The following FRMPD3 variants were observed in gnomAD, a reference collection of about 807,000 sequenced individuals.
The protein encoded by FRMPD3 is FERM and PDZ domain-containing protein 3.
Under a neutral mutation model 97.9 loss-of-function variants are expected in FRMPD3, and 42 were observed. The observed-to-expected ratio is 0.43, with a 90% CI of 0.34 to 0.55. The LOEUF is 0.55. FRMPD3 is among the 20% of genes least tolerant of loss of function. The pLI is 0.03. For missense variants in FRMPD3, 1,303 were observed against 1,457.7 expected, an observed-to-expected ratio of 0.89 and a Z score of 1.73; for synonymous variants, 577 against 581.1, an observed-to-expected ratio of 0.99 and a Z score of 0.10.
chrX:107,602,608 G>T lies in FRMPD3; in HGVS notation c.4569G>T (p.Lys1523Asn), dbSNP rs1257823597. The change falls in exon 15 of 15, where the codon AAG becomes AAT. Residue 1523 changes from lysine to asparagine, a missense_variant. By Grantham distance (94) the Lys-to-Asn change is moderately conservative (BLOSUM62 0). Coordinates refer to ENST00000683843, the MANE Select transcript of FRMPD3 (RefSeq NM_001388459.1). ...KDELSYSIPM[K>N]ILPGMKLDEQ... ...AGCTCTCCTACTCTATCCCCATGAA[G>T]ATCCTGCCTGGCATGAAGCTGGACG... 8 of 1,210,608 alleles carry T rather than the reference G, an allele frequency of 6.6e-6. No individual in the cohort carries two copies. Among genetic ancestry groups the T allele is most frequent in the Non-Finnish European group, 8.9e-6 (8 of 895,397 alleles).
intron 3 of FRMPD3, among the ~76,000 whole-genome samples, chrX:107,531,111 T>TAC (rs35430860): frequency 0.048 from 4,453 of 93,497 alleles, 204 homozygotes; most frequent in African/African-American, 0.12. Flanking sequence ...CTGTGCACAT[T>TAC]ACACACACAC....
At chrX:107,537,987 A>G (rs1381282281) in intron 4 of FRMPD3, among the ~76,000 whole-genome samples, 1 of 111,277 alleles carries the variant, frequency 9.0e-6, no homozygotes, top group Non-Finnish European at 1.9e-5. Context: ...TACAGAGGTA[A>G]TCAGAGGATG....
chrX:107,492,626 G>T (rs1327811026), intron 1 of FRMPD3, among the ~76,000 whole-genome samples: 1 of 112,042 alleles, frequency 8.9e-6, no homozygotes, highest in East Asian at 2.8e-4. Context: ...GGCATCACCT[G>T]GGACCTTGCT....
chrX:107,461,915 C>A (rs73521078), intron 1 of FRMPD3, among the ~76,000 whole-genome samples: 7,728 of 108,046 alleles, frequency 0.072, 732 homozygotes, highest in African/African-American at 0.25. Flanking sequence ...TCCACTGTAC[C>A]CCACTTGGTG....
chrX:107,553,020 T>C, intron 7 of FRMPD3, 94 bp downstream of exon 7: 1 of 944,218 alleles, frequency 1.1e-6, no homozygotes, highest in Non-Finnish European at 1.4e-6. Flanking sequence ...AATGATATGC[T>C]CAGCCGGTTC....
chrX:107,586,833 T>C (rs914981123), intron 13 of FRMPD3, among the ~76,000 whole-genome samples: 3 of 112,424 alleles, frequency 2.7e-5, no homozygotes, highest in Non-Finnish European at 5.6e-5. Flanking sequence ...ATGATTTCAG[T>C]TCTTTTGCAT....
At chrX:107,573,219 T>C (rs1162024182) in intron 12 of FRMPD3, among the ~76,000 whole-genome samples, 1 of 110,036 alleles carries the variant, frequency 9.1e-6, no homozygotes, top group Non-Finnish European at 1.9e-5. Context: ...CCTTGAGGAG[T>C]TTTGATCTGG....
chrX:107,453,435 G>A (rs1931324574), intron 1 of FRMPD3, among the ~76,000 whole-genome samples: 1 of 109,804 alleles, frequency 9.1e-6, no homozygotes, highest in South Asian at 4.0e-4. Flanking sequence ...CCCCTGGGAG[G>A]AAGCACACTC....
chrX:107,576,285 T>C (rs1422782603), intron 12 of FRMPD3, 30 bp from the exon 13 acceptor site: 1 of 1,200,060 alleles, frequency 8.3e-7, no homozygotes, highest in African/African-American at 1.8e-5. Flanking sequence ...CCTTCCCATG[T>C]CTTCATGTTT....
intron 5 of FRMPD3, among the ~76,000 whole-genome samples, chrX:107,548,892 C>A (rs1048574937): frequency 9.0e-6 from 1 of 111,383 alleles, no homozygotes; most frequent in Non-Finnish European, 1.9e-5. Flanking sequence ...TTGTGAGAAG[C>A]GTGCATAAAT....
At chrX:107,562,357 G>C (rs924939264) in intron 10 of FRMPD3, among the ~76,000 whole-genome samples, 13 of 112,443 alleles carry the variant, frequency 1.2e-4, no homozygotes, top group African/African-American at 4.2e-4. Flanking sequence ...GCAGCTGGGA[G>C]CCATTGAAGG....
At chrX:107,546,466 G>T (rs1921607446) in intron 5 of FRMPD3, among the ~76,000 whole-genome samples, 1 of 111,974 alleles carries the variant, frequency 8.9e-6, no homozygotes, top group Admixed American at 9.5e-5. Flanking sequence ...TCTACTACGG[G>T]GTGGTATTGT....
At chrX:107,597,203 T>C (rs1411258616) in intron 13 of FRMPD3, 118 bp from the exon 14 acceptor site, 3 of 623,157 alleles carry the variant, frequency 4.8e-6, no homozygotes, top group Non-Finnish European at 7.6e-6. Context: ...CAGGTAATGC[T>C]TTGTCTTGGG....
chrX:107,515,278 A>C (rs1452138120), intron 1 of FRMPD3, among the ~76,000 whole-genome samples: 1 of 111,662 alleles, frequency 9.0e-6, no homozygotes, highest in Non-Finnish European at 1.9e-5. Context: ...GGGAAGGAGA[A>C]ACCCACGAAG....
intron 1 of FRMPD3, among the ~76,000 whole-genome samples, chrX:107,483,354 A>T (rs1174977547): frequency 1.8e-5 from 2 of 112,411 alleles, no homozygotes; most frequent in African/African-American, 6.5e-5. Flanking sequence ...TTTTACACAA[A>T]GGCACTGAGT....
At chrX:107,572,262 T>C (rs150474067) in intron 12 of FRMPD3, among the ~76,000 whole-genome samples, 1,761 of 111,082 alleles carry the variant, frequency 0.016, 35 homozygotes, top group Admixed American at 0.082. Context: ...TATGAAGATG[T>C]GAAGGAACAT....
intron 12 of FRMPD3, among the ~76,000 whole-genome samples, chrX:107,566,517 A>G (rs1922609863): frequency 8.9e-6 from 1 of 112,304 alleles, no homozygotes; most frequent in Non-Finnish European, 1.9e-5. Flanking sequence ...GGGGCAGGGA[A>G]GACAAGGCAT....
At chrX:107,515,948 A>G (rs775970248) in intron 1 of FRMPD3, among the ~76,000 whole-genome samples, 9 of 110,447 alleles carry the variant, frequency 8.1e-5, no homozygotes, top group African/African-American at 3.0e-4. Flanking sequence ...ATATGTATAC[A>G]TGTGCCATGT....
chrX:107,457,587 A>C (rs1207381658), intron 1 of FRMPD3, among the ~76,000 whole-genome samples: 1 of 111,781 alleles, frequency 8.9e-6, no homozygotes, highest in African/African-American at 3.3e-5. Context: ...TGAAGTCTCT[A>C]TCCCACACCC....
Sources: gnomAD v4.1 joint callset for allele counts (sites outside exome capture counted in the v4.1 genomes callset) on GRCh38, gnomAD v4.1.1 for gene constraint, MANE v1.5 for transcripts, NCBI Gene and HGNC (gene_info 2026-07-23, HGNC 2026-07-21) for gene names.